PPM1H: variants seen among roughly 807,000 people sequenced by gnomAD.
The protein encoded by PPM1H is protein phosphatase, Mg2+/Mn2+ dependent 1H.
A neutral mutation model predicts 54.9 loss-of-function variants in PPM1H; 27 were observed. The observed-to-expected ratio is 0.49, with a 90% confidence interval of 0.36 to 0.68. The LOEUF is 0.68. Ranked by LOEUF, PPM1H falls within the 30% of genes least tolerant of loss-of-function variation. PPM1H has a pLI of 0.00. For synonymous variants in PPM1H, 305 were observed against 270.8 expected, an observed-to-expected ratio of 1.13 and a Z score of -1.24; for missense variants, 596 against 667.8, an observed-to-expected ratio of 0.89 and a Z score of 1.19.
chr12:62,842,793 C>G (rs1868804014), intron 1 of PPM1H, among the ~76,000 whole-genome samples: 1 of 152,170 alleles, frequency 6.6e-6, no homozygotes, highest in African/African-American at 2.4e-5. Flanking sequence ...GGCAGGTAGA[C>G]AGGTTTTTTC....
chr12:62,834,301 G>A (rs1226296368), intron 1 of PPM1H, among the ~76,000 whole-genome samples: 1 of 152,146 alleles, frequency 6.6e-6, no homozygotes, highest in Non-Finnish European at 1.5e-5. Context: ...TCTAAGGAAA[G>A]ACATTTTCAT....
At chr12:62,688,008 C>CAAAAAAA (rs57922128) in intron 8 of PPM1H, among the ~76,000 whole-genome samples, 2 of 95,304 alleles carry the variant, frequency 2.1e-5, no homozygotes, top group African/African-American at 3.4e-5. Context: ...GACTCCATCT[C>CAAAAAAA]AAAAAAAAAA....
intron 1 of PPM1H, among the ~76,000 whole-genome samples, chr12:62,919,383 C>A (rs532746009): frequency 6.6e-6 from 1 of 151,514 alleles, no homozygotes; most frequent in African/African-American, 2.4e-5. Context: ...TCCTTGAAGA[C>A]CTGGAAAGGT....
intron 4 of PPM1H, among the ~76,000 whole-genome samples, chr12:62,769,643 C>T (rs1565783327): frequency 6.6e-6 from 1 of 152,188 alleles, no homozygotes; most frequent in Non-Finnish European, 1.5e-5. Context: ...CTGTTTTTAA[C>T]AGCGCCATGG....
chr12:62,659,666 T>C (rs759749556), intron 9 of PPM1H, among the ~76,000 whole-genome samples: 12 of 152,032 alleles, frequency 7.9e-5, no homozygotes, highest in Non-Finnish European at 1.0e-4. Context: ...AGCCCAACAA[T>C]CAAACGACAA....
chr12:62,924,330 A>G (rs1871899728), intron 1 of PPM1H, among the ~76,000 whole-genome samples: 1 of 152,212 alleles, frequency 6.6e-6, no homozygotes, highest in Admixed American at 6.5e-5. Context: ...CCCAGGTTAC[A>G]CATACAGGGA....
intron 1 of PPM1H, among the ~76,000 whole-genome samples, chr12:62,837,731 G>T (rs1592626708): frequency 6.6e-6 from 1 of 152,210 alleles, no homozygotes; most frequent in Non-Finnish European, 1.5e-5. Flanking sequence ...TACATAGTAA[G>T]CACTTAAAAT....
Position 62,801,933 on chromosome 12 carries a change from G to A in PPM1H, c.639C>T (p.Arg213=), listed in dbSNP as rs201542231. The A allele has an allele frequency of 2.1e-5, 34 of 1,612,878 alleles. No homozygotes were observed. The highest frequency in any genetic ancestry group is 6.7e-5 in the East Asian group (3 of 44,844). ...SRTLTRAASL[R]GGVGAPGSPS... is the part of the protein sequence containing the mutation. ...GGGAGCCCGGGGCCCCCACCCCTCCGCGCAGGGAGGCTGCCCGGGTCAGAG... is the reference window on the plus strand; with the variant it reads ...GGGAGCCCGGGGCCCCCACCCCTCCACGCAGGGAGGCTGCCCGGGTCAGAG... The change falls in exon 3 of 10, where the codon CGC becomes CGT. Residue 213 remains arginine (R), a synonymous_variant. Transcript: ENST00000228705.
chr12:62,827,335 C>T (rs564665695), intron 2 of PPM1H, among the ~76,000 whole-genome samples: 2 of 152,250 alleles, frequency 1.3e-5, no homozygotes, highest in South Asian at 4.1e-4. Context: ...AACTGTATCT[C>T]TCATTTAATC....
chr12:62,763,195 T>G (rs1005023891), intron 4 of PPM1H, among the ~76,000 whole-genome samples: 1 of 152,230 alleles, frequency 6.6e-6, no homozygotes, highest in Non-Finnish European at 1.5e-5. Context: ...ATCTCTTGCC[T>G]GCCCACACTG....
At chr12:62,708,347 A>C (rs1033858041) in intron 6 of PPM1H, among the ~76,000 whole-genome samples, 24 of 152,220 alleles carry the variant, frequency 1.6e-4, no homozygotes, top group African/African-American at 5.5e-4. Context: ...AAGGAGTTTG[A>C]AACCATCACC....
chr12:62,665,706 C>A (rs1414626364), intron 9 of PPM1H, among the ~76,000 whole-genome samples: 1 of 151,896 alleles, frequency 6.6e-6, no homozygotes, highest in Non-Finnish European at 1.5e-5. Flanking sequence ...TTTTTTTAGT[C>A]TCTTTTAAGA....
At chr12:62,856,173 T>C (rs1022907736) in intron 1 of PPM1H, among the ~76,000 whole-genome samples, 1 of 152,200 alleles carries the variant, frequency 6.6e-6, no homozygotes. Context: ...TCTCTGCAGA[T>C]CTCCAGAACT....
rs764667209 is a variant in PPM1H, at chr12:62,934,744, C to T, written c.-8G>A. The T allele has an allele frequency of 6.5e-7, 1 of 1,527,496 alleles. No individual in the cohort carries two copies. Among genetic ancestry groups the T allele is most frequent in the Admixed American group, 1.9e-5 (1 of 52,640 alleles). The allele number at this position is 1,527,496 out of a possible 1,614,324, so 94.6% of individuals were successfully genotyped here. A position where few individuals can be genotyped will look rare whatever the true frequency, so the allele number is the denominator to read the frequency against. On this transcript the variant is annotated 5_prime_UTR_variant, in exon 1 of 10. Transcript: ENST00000228705. The surrounding 1 kb of genome is among the most constrained non-coding windows in gnomAD (Gnocchi z 4.2). ...TTTCACTCGAGTGAGCATATTACTC[C>T]GGCGCCCGGCTGCAGCGGTGCGAGC...
chr12:62,930,096 C>T (rs1315938926), intron 1 of PPM1H, among the ~76,000 whole-genome samples: 1 of 152,186 alleles, frequency 6.6e-6, no homozygotes, highest in Non-Finnish European at 1.5e-5. Flanking sequence ...ACCACCCAGC[C>T]AACTAATGCC....
intron 1 of PPM1H, among the ~76,000 whole-genome samples, chr12:62,873,851 G>A (rs1054805000): frequency 1.2e-4 from 19 of 152,108 alleles, no homozygotes; most frequent in African/African-American, 3.6e-4. Flanking sequence ...GGAAAATAAC[G>A]ACTACTAAAG....
intron 1 of PPM1H, among the ~76,000 whole-genome samples, chr12:62,835,177 C>T (rs764192903): frequency 1.3e-5 from 2 of 152,212 alleles, no homozygotes; most frequent in Non-Finnish European, 2.9e-5. Context: ...CCGTTTCCAA[C>T]AGACAACAAA....
At chr12:62,851,064 A>T (rs1869168792) in intron 1 of PPM1H, among the ~76,000 whole-genome samples, 1 of 152,198 alleles carries the variant, frequency 6.6e-6, no homozygotes, top group South Asian at 2.1e-4. Flanking sequence ...CTGTCTACTC[A>T]AAGGGCCTGG....
intron 4 of PPM1H, among the ~76,000 whole-genome samples, chr12:62,784,948 A>C (rs78286280): frequency 0.025 from 3,806 of 152,318 alleles, 145 homozygotes; most frequent in African/African-American, 0.086. Context: ...ATGTGAACAG[A>C]AAACCCAAAT....
Sources: allele counts gnomAD v4.1 joint callset (sites outside exome capture counted in the v4.1 genomes callset), GRCh38; gene constraint gnomAD v4.1.1; non-coding constraint Gnocchi (gnomAD v3.1); transcripts MANE v1.5; gene names NCBI Gene and HGNC (gene_info 2026-07-23, HGNC 2026-07-21).